The following TP63 variants were observed in gnomAD, a reference collection of about 807,000 sequenced individuals.
The protein encoded by TP63 is tumor protein 63.
A neutral mutation model predicts 82.8 loss-of-function variants in TP63; 17 were observed. That is an observed-to-expected ratio of 0.21 (90% CI 0.14 to 0.31). TP63 has a LOEUF of 0.31. Among genes scored for constraint, TP63 ranks in the 10% least tolerant of loss-of-function variants. The pLI, the probability that TP63 is intolerant of heterozygous loss-of-function variation, is 1.00. For synonymous variants in TP63, 330 were observed against 321.7 expected, an observed-to-expected ratio of 1.03 and a Z score of -0.28; for missense variants, 648 against 895.3, an observed-to-expected ratio of 0.72 and a Z score of 3.52.
intron 1 of TP63, among the ~76,000 whole-genome samples, chr3:189,633,121 A>G (rs1435563967): frequency 6.6e-6 from 1 of 152,108 alleles, no homozygotes; most frequent in Non-Finnish European, 1.5e-5. Context: ...AGAAATAGAG[A>G]AACTACTTTT....
chr3:189,737,794 C>T lies in TP63; in HGVS notation c.117C>T (p.Thr39=), dbSNP rs139505005. 21 of 1,613,836 alleles carry T rather than the reference C, an allele frequency of 1.3e-5. No homozygotes were observed. Among genetic ancestry groups the T allele is most frequent in the South Asian group, 4.4e-5 (4 of 91,084 alleles). Residue 39 remains threonine, a synonymous_variant, in exon 2 of 14, where the codon ACC becomes ACT. Transcript: ENST00000264731. The part of the protein sequence containing the change: ...FSWKESYYRS[T]MSQSTQTNEF... Reference sequence around the variant, plus strand: ...GGAAAGAAAGTTATTACCGATCCACCATGTCCCAGAGCACACAGACAAATG... The same window carrying T: ...GGAAAGAAAGTTATTACCGATCCACTATGTCCCAGAGCACACAGACAAATG...
intron 4 of TP63, among the ~76,000 whole-genome samples, chr3:189,809,897 TA>T (rs1727342809): frequency 6.6e-6 from 1 of 152,240 alleles, no homozygotes; most frequent in South Asian, 2.1e-4. Context: ...GAGGCATGCC[TA>T]AACTTACAGA....
chr3:189,729,613 T>G (rs571336575), intron 1 of TP63, among the ~76,000 whole-genome samples: 1 of 152,338 alleles, frequency 6.6e-6, no homozygotes, highest in South Asian at 2.1e-4. Context: ...ATGCTCTAAA[T>G]GAATTTTATT....
chr3:189,647,885 T>A lies in TP63; in HGVS notation c.62+16308T>A, dbSNP rs1438542557. Among the ~76,000 whole-genome samples, 7 of 147,428 alleles carry A rather than the reference T, an allele frequency of 4.7e-5. 2 individuals carry two copies. In the East Asian group the frequency reaches 1.6e-3, roughly 35 times the overall value. On this transcript the variant is annotated intron_variant, in intron 1 of 13. Transcript: ENST00000264731. ...CATTTTAAAGATAATGTTATTTATT[T>A]CACTTGCAATGGAAATGTTGCTTCT...
At chr3:189,878,917 C>T (rs930675675) in intron 10 of TP63, among the ~76,000 whole-genome samples, 4 of 140,566 alleles carry the variant, frequency 2.8e-5, no homozygotes, top group Admixed American at 7.1e-5. Context: ...TGTGAGCCAC[C>T]GCGCCCAGCC....
chr3:189,760,433 T>G (rs1482963615), intron 3 of TP63, among the ~76,000 whole-genome samples: 1 of 152,174 alleles, frequency 6.6e-6, no homozygotes, highest in Non-Finnish European at 1.5e-5. Context: ...CCCATGTAAG[T>G]CCAAAATCCA....
At chr3:189,835,003 G>A (rs778044654) in intron 4 of TP63, among the ~76,000 whole-genome samples, 5 of 151,262 alleles carry the variant, frequency 3.3e-5, no homozygotes, top group Non-Finnish European at 5.9e-5. Flanking sequence ...ATAGGGAAGA[G>A]TGACCTGATC....
At chr3:189,694,144 C>G (rs1717160611) in intron 1 of TP63, among the ~76,000 whole-genome samples, 1 of 152,092 alleles carries the variant, frequency 6.6e-6, no homozygotes, top group Non-Finnish European at 1.5e-5. Context: ...CCTTCACTTC[C>G]TTTGAATATA....
At chr3:189,794,221 G>C (rs1197838250) in intron 3 of TP63, among the ~76,000 whole-genome samples, 5 of 152,016 alleles carry the variant, frequency 3.3e-5, no homozygotes, top group Non-Finnish European at 7.4e-5. Flanking sequence ...TGTTTACTGA[G>C]CATCAATTAT....
At chr3:189,827,296 C>A (rs1043129291) in intron 4 of TP63, among the ~76,000 whole-genome samples, 6 of 152,164 alleles carry the variant, frequency 3.9e-5, no homozygotes, top group Admixed American at 1.3e-4. Context: ...CCTACTTATT[C>A]TTTAAAACTC....
At chr3:189,762,942 C>T (rs1451775961) in intron 3 of TP63, among the ~76,000 whole-genome samples, 3 of 152,144 alleles carry the variant, frequency 2.0e-5, no homozygotes, top group Non-Finnish European at 4.4e-5. Flanking sequence ...AAATGGGCAT[C>T]CATCATTGAA....
chr3:189,664,126 A>G (rs1714167819), intron 1 of TP63, among the ~76,000 whole-genome samples: 1 of 151,920 alleles, frequency 6.6e-6, no homozygotes, highest in Non-Finnish European at 1.5e-5. Flanking sequence ...CTTCCCCCTA[A>G]ACTATATTTT....
the TP63 span, among the ~76,000 whole-genome samples, chr3:189,624,420 A>G: frequency 6.6e-6 from 1 of 152,178 alleles, no homozygotes; most frequent in East Asian, 1.9e-4. Context: ...AGATAGAATA[A>G]TAGATGAATC....
intron 1 of TP63, among the ~76,000 whole-genome samples, chr3:189,635,439 A>T (rs1489925634): frequency 6.6e-6 from 1 of 151,964 alleles, no homozygotes. Context: ...TTTCTTTCTC[A>T]TTCTTTGCCT....
intron 4 of TP63, among the ~76,000 whole-genome samples, chr3:189,827,251 C>G (rs1711556874): frequency 6.6e-6 from 1 of 152,116 alleles, no homozygotes; most frequent in African/African-American, 2.4e-5. Flanking sequence ...GGAATGTTCC[C>G]CTAGCCACCA....
intron 1 of TP63, among the ~76,000 whole-genome samples, chr3:189,654,636 C>A (rs1269721548): frequency 6.6e-6 from 1 of 152,012 alleles, no homozygotes; most frequent in African/African-American, 2.4e-5. Flanking sequence ...GTTATAATGG[C>A]TTTTTACAAA....
At chr3:189,835,921 TAATAATAATAATAA>T (rs1713075968) in intron 4 of TP63, among the ~76,000 whole-genome samples, 1 of 30,970 alleles carries the variant, frequency 3.2e-5, no homozygotes, top group South Asian at 7.8e-4. Context: ...CTCAAAATAA[TAATAATAATAATAA>T]TAATAATAAT....
At chr3:189,804,743 G>A (rs1004829886) in intron 3 of TP63, among the ~76,000 whole-genome samples, 2 of 152,186 alleles carry the variant, frequency 1.3e-5, no homozygotes, top group Non-Finnish European at 2.9e-5. Context: ...TGACTTTGGT[G>A]GGTTTGTTGT....
intron 9 of TP63, among the ~76,000 whole-genome samples, chr3:189,870,466 G>T (rs956220676): frequency 6.6e-6 from 1 of 151,954 alleles, no homozygotes; most frequent in Non-Finnish European, 1.5e-5. Flanking sequence ...CATAGGTTAC[G>T]TGCAAATACT....
Sources: gnomAD v4.1 joint callset for allele counts (sites outside exome capture counted in the v4.1 genomes callset) on GRCh38, gnomAD v4.1.1 for gene constraint, MANE v1.5 for transcripts, NCBI Gene and HGNC (gene_info 2026-07-23, HGNC 2026-07-21) for gene names.